The following EPB41 variants were observed in gnomAD, a reference collection of about 807,000 sequenced individuals.
EPB41 encodes the protein erythrocyte membrane protein band 4.1.
A neutral mutation model predicts 108.0 loss-of-function variants in EPB41; 65 were observed. The observed-to-expected ratio is 0.60, with a 90% CI of 0.49 to 0.74. The LOEUF (loss-of-function observed/expected upper bound fraction) is 0.74, where lower values mean the gene tolerates loss of function less well. EPB41 is among the 30% of genes least tolerant of loss of function. The pLI is 0.00. For synonymous variants in EPB41, 336 were observed against 358.9 expected (o/e 0.94, Z 0.72); for missense variants, 875 against 1,037.0 (o/e 0.84, Z 2.15).
intron 1 of EPB41, among the ~76,000 whole-genome samples, chr1:28,924,391 T>C (rs920704220): frequency 2.6e-5 from 4 of 152,232 alleles, no homozygotes; most frequent in African/African-American, 9.6e-5. Flanking sequence ...TACCTGGGTG[T>C]GGTGGTGTGC....
At chr1:28,987,409 T>A in intron 1 of EPB41, 22 bp from the exon 2 acceptor site, 1 of 1,609,996 alleles carries the variant, frequency 6.2e-7, no homozygotes, top group Non-Finnish European at 8.5e-7. Flanking sequence ...AGAGCCCCCC[T>A]TTTCTATCTT....
At chr1:29,027,825 C>T (rs1265357126) in intron 7 of EPB41, among the ~76,000 whole-genome samples, 1 of 151,992 alleles carries the variant, frequency 6.6e-6, no homozygotes, top group Non-Finnish European at 1.5e-5. Context: ...AAGATCTCCC[C>T]TTATTTATTT....
chr1:28,892,725 A>G (rs769837466), intron 1 of EPB41, among the ~76,000 whole-genome samples: 1 of 151,948 alleles, frequency 6.6e-6, no homozygotes, highest in Non-Finnish European at 1.5e-5. Flanking sequence ...TAAACAAAAC[A>G]AAACAAAACA....
At chr1:28,950,867 C>A (rs2094693184) in intron 1 of EPB41, among the ~76,000 whole-genome samples, 1 of 152,024 alleles carries the variant, frequency 6.6e-6, no homozygotes, top group Non-Finnish European at 1.5e-5. Context: ...CGGAGTTTTG[C>A]TCTTGTTGCC....
At chr1:29,036,426 AT>A (rs1188863474) in intron 10 of EPB41, among the ~76,000 whole-genome samples, 1 of 150,452 alleles carries the variant, frequency 6.6e-6, no homozygotes, top group East Asian at 2.0e-4. Flanking sequence ...TGCCCAGCTA[AT>A]TTTTTGTATT....
At chr1:29,077,485 C>T (rs1218687915) in intron 16 of EPB41, among the ~76,000 whole-genome samples, 1 of 152,046 alleles carries the variant, frequency 6.6e-6, no homozygotes, top group African/African-American at 2.4e-5. Context: ...GAATAGGGTA[C>T]ACATCTGTAT....
chr1:29,061,420 C>T (rs1435469740), intron 15 of EPB41, among the ~76,000 whole-genome samples: 1 of 152,036 alleles, frequency 6.6e-6, no homozygotes, highest in Non-Finnish European at 1.5e-5. Flanking sequence ...CAGGCGCCCG[C>T]CACCTGTCTG....
chr1:29,068,919 C>A, intron 16 of EPB41: 3 of 762,714 alleles, frequency 3.9e-6, no homozygotes, highest in Admixed American at 4.3e-5. Context: ...TAAATTCACA[C>A]CCACAGCCTT....
intron 16 of EPB41, among the ~76,000 whole-genome samples, chr1:29,089,323 G>A (rs1660376944): frequency 6.6e-6 from 1 of 152,164 alleles, no homozygotes; most frequent in Admixed American, 6.5e-5. Flanking sequence ...TTACAGAATA[G>A]CACAGGACAA....
intron 11 of EPB41, among the ~76,000 whole-genome samples, chr1:29,047,416 ATTTTTTT>A (rs34287796): frequency 1.5e-5 from 2 of 133,868 alleles, no homozygotes; most frequent in East Asian, 4.4e-4. Flanking sequence ...CGCCTGGCTA[ATTTTTTT>A]TTTTTTTTTT....
chr1:29,024,477 CA>C (rs1280201345), intron 7 of EPB41, among the ~76,000 whole-genome samples: 1 of 148,760 alleles, frequency 6.7e-6, no homozygotes, highest in African/African-American at 2.5e-5. Context: ...ACTAAAAATA[CA>C]AAAAATTAGC....
At chr1:28,969,028 T>G (rs2149270035) in intron 1 of EPB41, among the ~76,000 whole-genome samples, 1 of 147,362 alleles carries the variant, frequency 6.8e-6, no homozygotes, top group East Asian at 2.2e-4. Flanking sequence ...TAGAATTGCC[T>G]TATCCTAACA....
chr1:29,102,453 A>T (rs1665750631), intron 17 of EPB41, among the ~76,000 whole-genome samples: 1 of 152,316 alleles, frequency 6.6e-6, no homozygotes, highest in East Asian at 1.9e-4. Flanking sequence ...ACCAAAACGT[A>T]TAGTGGCCCC....
intron 10 of EPB41, among the ~76,000 whole-genome samples, chr1:29,037,345 G>A (rs1572866790): frequency 1.3e-5 from 2 of 152,106 alleles, no homozygotes; most frequent in Non-Finnish European, 2.9e-5. Context: ...GCCTCCCAGA[G>A]TGCTGGGATT....
intron 1 of EPB41, among the ~76,000 whole-genome samples, chr1:28,967,209 G>A (rs934856499): frequency 1.3e-5 from 2 of 151,876 alleles, no homozygotes; most frequent in Admixed American, 6.6e-5. Flanking sequence ...TAGTAGAGAC[G>A]GGGTTTCACC....
At chr1:29,097,586 G>C (rs955781218) in intron 16 of EPB41, 4 of 576,814 alleles carry the variant, frequency 6.9e-6, no homozygotes, top group Non-Finnish European at 1.2e-5. Context: ...GCTTATGAAA[G>C]TGATTACAGT....
chr1:29,070,677 C>T, intron 16 of EPB41: 1 of 1,231,522 alleles, frequency 8.1e-7, no homozygotes, highest in Non-Finnish European at 1.0e-6. Flanking sequence ...TTGGCTTCAA[C>T]TGTGTTATTG....
chr1:29,115,865 T>G lies in EPB41; in HGVS notation c.*6+62T>G. On this transcript the variant is annotated intron_variant, in intron 20 of 20. Coordinates refer to ENST00000343067, the MANE Select transcript of EPB41 (RefSeq NM_001376013.1). The surrounding 1 kb of genome is among the most constrained non-coding windows in gnomAD (Gnocchi z 4.4). ...AGTCCCAGCCTGAGAGGGCTCTGGA[T>G]GGGACCCTCGGACACACTGGGAGCC... 1 of 1,342,230 alleles carries G rather than the reference T, an allele frequency of 7.5e-7. No individual in the cohort carries two copies. Among genetic ancestry groups the G allele is most frequent in the South Asian group, 1.2e-5 (1 of 85,064 alleles). The allele number at this position is 1,342,230 out of a possible 1,614,324, so 83.1% of individuals were successfully genotyped here.
intron 11 of EPB41, among the ~76,000 whole-genome samples, chr1:29,050,335 T>C (rs1644276083): frequency 6.6e-6 from 1 of 152,360 alleles, no homozygotes; most frequent in South Asian, 2.1e-4. Flanking sequence ...CATAAATCAT[T>C]TGGCTCTGCA....
Sources: allele counts gnomAD v4.1 joint callset (sites outside exome capture counted in the v4.1 genomes callset), GRCh38; gene constraint gnomAD v4.1.1; non-coding constraint Gnocchi (gnomAD v3.1); transcripts MANE v1.5; gene names NCBI Gene and HGNC (gene_info 2026-07-23, HGNC 2026-07-21).